Variants in ZNRF3 observed in about 807,000 individuals in gnomAD.
The protein encoded by ZNRF3 is E3 ubiquitin-protein ligase ZNRF3.
A neutral mutation model predicts 72.5 loss-of-function variants in ZNRF3; 23 were observed. The ratio of observed to expected loss-of-function variants is 0.32; its 90% confidence interval spans 0.23 to 0.45. ZNRF3 has a LOEUF of 0.45. ZNRF3 is among the 20% of genes least tolerant of loss of function. The pLI is 1.00. For missense variants in ZNRF3, 1,169 were observed against 1,272.1 expected, an observed-to-expected ratio of 0.92 and a Z score of 1.23; for synonymous variants, 610 against 545.3, an observed-to-expected ratio of 1.12 and a Z score of -1.65.
intron 1 of ZNRF3, among the ~76,000 whole-genome samples, chr22:28,915,665 A>G (rs1341040144): frequency 6.6e-6 from 1 of 152,216 alleles, no homozygotes; most frequent in Non-Finnish European, 1.5e-5. Context: ...AAAGTGGAAT[A>G]CTTTGGACTA....
intron 1 of ZNRF3, among the ~76,000 whole-genome samples, chr22:28,937,024 G>C (rs572732826): frequency 6.6e-6 from 1 of 151,736 alleles, no homozygotes; most frequent in African/African-American, 2.4e-5. Context: ...TACAGGTTTA[G>C]GATTCTTTTT....
intron 1 of ZNRF3, among the ~76,000 whole-genome samples, chr22:28,973,594 A>T (rs1352366232): frequency 6.6e-6 from 1 of 152,172 alleles, no homozygotes; most frequent in Non-Finnish European, 1.5e-5. Context: ...ACAGCATAGC[A>T]CAGCATCATC....
intron 1 of ZNRF3, among the ~76,000 whole-genome samples, chr22:28,942,965 T>C (rs1232865666): frequency 6.6e-6 from 1 of 152,202 alleles, no homozygotes; most frequent in Non-Finnish European, 1.5e-5. Context: ...CTTTTATCAC[T>C]AATGGCTGCT....
At chr22:28,942,756 G>A (rs1415626903) in intron 1 of ZNRF3, among the ~76,000 whole-genome samples, 1 of 152,156 alleles carries the variant, frequency 6.6e-6, no homozygotes, top group Admixed American at 6.5e-5. Context: ...CTGGAAAAAT[G>A]AGAGCAGCTT....
At chr22:28,937,559 A>C (rs1009097529) in intron 1 of ZNRF3, among the ~76,000 whole-genome samples, 6 of 152,128 alleles carry the variant, frequency 3.9e-5, no homozygotes, top group African/African-American at 1.4e-4. Flanking sequence ...GTGTTCTCAA[A>C]CTTGCATCTA....
At chr22:29,043,179 T>A in intron 3 of ZNRF3, 120 bp from the exon 4 acceptor site, 1 of 1,168,154 alleles carries the variant, frequency 8.6e-7, no homozygotes, top group Non-Finnish European at 1.2e-6. Context: ...GGCTGTAATG[T>A]TGGAAGAGCT....
chr22:28,999,093 G>A (rs1184495898), intron 2 of ZNRF3, among the ~76,000 whole-genome samples: 6 of 151,374 alleles, frequency 4.0e-5, no homozygotes, highest in Admixed American at 6.6e-5. Flanking sequence ...AGAGGTGGGC[G>A]GATCACTTGA....
chr22:28,925,654 T>A (rs2034587445), intron 1 of ZNRF3, among the ~76,000 whole-genome samples: 1 of 152,194 alleles, frequency 6.6e-6, no homozygotes, highest in East Asian at 1.9e-4. Context: ...CGTTAACATT[T>A]CACTGTATTT....
At chr22:28,956,381 GC>G (rs2035262123) in intron 1 of ZNRF3, among the ~76,000 whole-genome samples, 1 of 120,264 alleles carries the variant, frequency 8.3e-6, no homozygotes, top group Non-Finnish European at 1.7e-5. Context: ...TTTTTTTAAA[GC>G]TGCATCCTTT....
chr22:28,982,274 A>C (rs756669683), intron 1 of ZNRF3, among the ~76,000 whole-genome samples: 4 of 152,086 alleles, frequency 2.6e-5, no homozygotes, highest in Non-Finnish European at 5.9e-5. Flanking sequence ...AATTAGCAGG[A>C]GTTCACTGTT....
chr22:29,006,657 G>C (rs1437302378), intron 2 of ZNRF3, among the ~76,000 whole-genome samples: 24 of 152,164 alleles, frequency 1.6e-4, no homozygotes, highest in Admixed American at 1.6e-3. Flanking sequence ...TCTGTGTAGT[G>C]ATGGGAATTT....
intron 1 of ZNRF3, among the ~76,000 whole-genome samples, chr22:28,917,098 G>T (rs1404792685): frequency 1.3e-5 from 2 of 152,128 alleles, no homozygotes; most frequent in Non-Finnish European, 2.9e-5. Flanking sequence ...ACGCTCATCT[G>T]CCTGCCACTG....
chr22:29,006,213 C>CTT lies in ZNRF3; in HGVS notation c.426+19030_426+19031dup, dbSNP rs372438825. On this transcript the variant is annotated intron_variant, in intron 2 of 8. Transcript: ENST00000544604. ...TGATCAAGGTTCTTATCATCCGTTT[C>CTT]TTTTTTTTTTTTTTTTTTTGAGACA... 2.7e-3 allele frequency among the ~76,000 whole-genome samples: 289 copies of CTT among 106,508 alleles called. 8 individuals are homozygous for CTT. The East Asian group carries it at 0.027, about 10-fold the overall frequency. The allele number at this position is 106,508 out of a possible 152,430, so 69.9% of individuals were successfully genotyped here. A position where few individuals can be genotyped will look rare whatever the true frequency, so the allele number is the denominator to read the frequency against.
intron 8 of ZNRF3, among the ~76,000 whole-genome samples, chr22:29,051,582 T>A (rs146176139): frequency 0.011 from 1,460 of 132,252 alleles, 15 homozygotes; most frequent in Middle Eastern, 0.023. Flanking sequence ...CCAGCCTGGG[T>A]GACAGAGCGA....
intron 2 of ZNRF3, among the ~76,000 whole-genome samples, chr22:29,014,386 T>G (rs551205916): frequency 6.6e-6 from 1 of 151,970 alleles, no homozygotes; most frequent in South Asian, 2.1e-4. Context: ...CCTGCAGGAG[T>G]TGTAGTGCAG....
At chr22:29,033,056 A>C (rs2036791973) in intron 2 of ZNRF3, among the ~76,000 whole-genome samples, 1 of 152,184 alleles carries the variant, frequency 6.6e-6, no homozygotes, top group Non-Finnish European at 1.5e-5. Context: ...GAACTAAAAG[A>C]AGCTCAGTCT....
chr22:28,969,383 T>G (rs1178744975), intron 1 of ZNRF3, among the ~76,000 whole-genome samples: 1 of 152,184 alleles, frequency 6.6e-6, no homozygotes, highest in Non-Finnish European at 1.5e-5. Flanking sequence ...GTATTTGATG[T>G]TTGGAATGGA....
chr22:29,013,340 T>G (rs1283889514), intron 2 of ZNRF3, among the ~76,000 whole-genome samples: 1 of 152,210 alleles, frequency 6.6e-6, no homozygotes, highest in African/African-American at 2.4e-5. Flanking sequence ...TAACTTCCCC[T>G]GTTCCAACTT....
Position 29,057,476 on chromosome 22 carries a change from C to A in ZNRF3, c.*3854C>A, listed in dbSNP as rs1439822713. On this transcript the variant is annotated 3_prime_UTR_variant, in exon 9 of 9. Transcript: ENST00000544604. ...CTGTAAAAAAAAAATACAATTTTAT[C>A]AAGTATGTGTTATATGTTGTCATTG... The A allele has an allele frequency of 6.6e-6, 1 of 151,950 alleles. No homozygotes were observed. Among genetic ancestry groups the A allele is most frequent in the Non-Finnish European group, 1.5e-5 (1 of 68,004 alleles). 9.4% of individuals were successfully genotyped at this position (151,950 alleles called of 1,614,324 possible). A position where few individuals can be genotyped will look rare whatever the true frequency, so the allele number is the denominator to read the frequency against.
Sources: gnomAD v4.1 joint callset for allele counts (sites outside exome capture counted in the v4.1 genomes callset) on GRCh38, gnomAD v4.1.1 for gene constraint, MANE v1.5 for transcripts, NCBI Gene and HGNC (gene_info 2026-07-23, HGNC 2026-07-21) for gene names.